UBAC2: variants seen among roughly 807,000 people sequenced by gnomAD.
UBAC2 encodes UBA domain containing 2.
In UBAC2, 26 loss-of-function variants were observed where a neutral mutation model predicts 44.0. The observed-to-expected ratio is 0.59, with a 90% CI of 0.43 to 0.82. The LOEUF (loss-of-function observed/expected upper bound fraction) is 0.82, where lower values mean the gene tolerates loss of function less well. Ranked by LOEUF, UBAC2 falls within the 40% of genes least tolerant of loss-of-function variation. The pLI is 0.00. For missense variants in UBAC2, 329 were observed against 419.4 expected (o/e 0.78, Z 1.88); for synonymous variants, 155 against 154.3 (o/e 1.00, Z -0.04).
chr13:99,383,150 G>T (rs575619979), intron 8 of UBAC2, among the ~76,000 whole-genome samples: 1 of 152,364 alleles, frequency 6.6e-6, no homozygotes, highest in African/African-American at 2.4e-5. Context: ...TTAGTAGTGT[G>T]CATGTGTGTG....
chr13:99,265,715 C>T (rs956514049), intron 4 of UBAC2, among the ~76,000 whole-genome samples: 13 of 152,094 alleles, frequency 8.5e-5, no homozygotes, highest in South Asian at 2.1e-4. Context: ...CATATGGATT[C>T]GACTGGTGTT....
At chr13:99,247,238 G>A (rs1392368536) in intron 4 of UBAC2, among the ~76,000 whole-genome samples, 1 of 150,730 alleles carries the variant, frequency 6.6e-6, no homozygotes, top group Non-Finnish European at 1.5e-5. Context: ...TTCTTGAGAC[G>A]GAGTCTCGCT....
chr13:99,310,579 A>G (rs911812437), intron 4 of UBAC2, among the ~76,000 whole-genome samples: 1 of 152,250 alleles, frequency 6.6e-6, no homozygotes, highest in African/African-American at 2.4e-5. Flanking sequence ...TAGAAATAGC[A>G]ACGGAAAATT....
At chr13:99,215,613 G>A (rs1371758153) in intron 1 of UBAC2, 1 of 1,311,786 alleles carries the variant, frequency 7.6e-7, no homozygotes. Context: ...AGCGGCAGTT[G>A]CACCCACATG....
At chr13:99,316,004 T>C (rs1354801480) in intron 5 of UBAC2, among the ~76,000 whole-genome samples, 1 of 151,832 alleles carries the variant, frequency 6.6e-6, no homozygotes, top group Non-Finnish European at 1.5e-5. Flanking sequence ...TCTAGTGCCG[T>C]TTCCACAGTG....
intron 1 of UBAC2, among the ~76,000 whole-genome samples, chr13:99,214,672 C>T (rs1214434604): frequency 2.0e-5 from 3 of 152,156 alleles, no homozygotes; most frequent in African/African-American, 7.2e-5. Flanking sequence ...TTACCCCAAG[C>T]TCTCTTCTAC....
At position 99,258,780 on chromosome 13, in the gene UBAC2, C is replaced by A. The variant is rs72648093; in HGVS notation, c.389+14156C>A. Among the ~76,000 whole-genome samples the A allele has an allele frequency of 2.0e-5, 3 of 152,032 alleles. No individual in the cohort carries two copies. The East Asian group carries it at 5.8e-4, about 29-fold the overall frequency. The stretch of plus-strand genomic sequence containing the variant: ...TGTAGGGGCCCTAAACCAGAAAGAT[C>A]CCAAGTGCTTAATAGTACCTGGCAC... On this transcript the variant is annotated intron_variant, in intron 4 of 8. Coordinates refer to ENST00000403766, the MANE Select transcript of UBAC2 (RefSeq NM_001144072.2).
chr13:99,383,744 C>G (rs1048505322), intron 8 of UBAC2, among the ~76,000 whole-genome samples: 8 of 87,464 alleles, frequency 9.1e-5, no homozygotes, highest in African/African-American at 8.3e-5. Context: ...ATGGGCGGCA[C>G]CCCCCGTTTG....
At chr13:99,347,812 G>C (rs1227751145) in intron 7 of UBAC2, among the ~76,000 whole-genome samples, 1 of 151,456 alleles carries the variant, frequency 6.6e-6, no homozygotes, top group Non-Finnish European at 1.5e-5. Context: ...CGCCAGCACT[G>C]ACTATCCAGA....
chr13:99,295,696 G>A lies in UBAC2; in HGVS notation c.390-18401G>A, dbSNP rs772346481. The A allele has an allele frequency of 1.5e-5, 24 of 1,614,000 alleles. 1 individual carries two copies. In the South Asian group the frequency reaches 1.8e-4, roughly 12 times the overall value. On this transcript the variant is annotated intron_variant, in intron 4 of 8. Coordinates refer to ENST00000403766, the MANE Select transcript of UBAC2 (RefSeq NM_001144072.2). The surrounding 1 kb of genome is among the most constrained non-coding windows in gnomAD (Gnocchi z 4.1). Reference sequence around the variant, plus strand: ...CTAGAATCCAGACAAATATGCACACGCCTTTTGCATGTTCAATCCTTTTTA... The same window carrying A: ...CTAGAATCCAGACAAATATGCACACACCTTTTGCATGTTCAATCCTTTTTA...
chr13:99,242,133 ACTT>A (rs1322309077), intron 2 of UBAC2, among the ~76,000 whole-genome samples: 1 of 151,208 alleles, frequency 6.6e-6, no homozygotes, highest in Non-Finnish European at 1.5e-5. Context: ...TCCCATGTCT[ACTT>A]CTTTCTACAC....
Position 99,207,482 on chromosome 13 carries a change from C to T in UBAC2, c.31+6543C>T, listed in dbSNP as rs561447123. 3.3e-5 allele frequency among the ~76,000 whole-genome samples: 5 copies of T among 152,264 alleles called. No individual in the cohort carries two copies. The South Asian group carries it at 1.0e-3, about 32-fold the overall frequency. On this transcript the variant is annotated intron_variant, in intron 1 of 8. Transcript: ENST00000403766. ...AAGGTGATCTTCCCTTATTTTTTCC[C>T]TGTTCTCATCTCCCTTCACTTTTTA...
At chr13:99,255,901 T>G in intron 4 of UBAC2, 1 of 1,505,938 alleles carries the variant, frequency 6.6e-7, no homozygotes, top group Non-Finnish European at 8.9e-7. Flanking sequence ...GCATGATACT[T>G]AGAAACTGTA....
At chr13:99,365,984 G>A (rs560794667) in intron 7 of UBAC2, among the ~76,000 whole-genome samples, 13 of 151,768 alleles carry the variant, frequency 8.6e-5, no homozygotes, top group African/African-American at 2.4e-4. Flanking sequence ...TTTTGCCTTC[G>A]AGGTCTATTT....
intron 1 of UBAC2, among the ~76,000 whole-genome samples, chr13:99,225,494 T>G (rs1487240402): frequency 1.3e-5 from 2 of 152,256 alleles, no homozygotes; most frequent in Admixed American, 1.3e-4. Context: ...TTCCTTCCTT[T>G]TTAAGGCTGA....
intron 4 of UBAC2, among the ~76,000 whole-genome samples, chr13:99,306,572 G>T (rs1041602081): frequency 6.6e-6 from 1 of 152,016 alleles, no homozygotes; most frequent in Admixed American, 6.6e-5. Flanking sequence ...CCCTTTAAAG[G>T]AAGTCTCTTC....
chr13:99,200,892 CCGAGCCCGG>C lies in UBAC2; in HGVS notation c.-14_-6del. On this transcript the variant is annotated 5_prime_UTR_variant, in exon 1 of 9. Coordinates refer to ENST00000403766, the MANE Select transcript of UBAC2 (RefSeq NM_001144072.2). ...CCCTCCCCCGGCGCCCTCTGGGGCT[CCGAGCCCGG>C]CGGGACCATGTTCACCAGCACCGGC... is the stretch of plus-strand genomic sequence containing the variant. 7.7e-7 allele frequency: 1 copy of C among 1,303,542 alleles called. No individual in the cohort carries two copies. The allele number at this position is 1,303,542 out of a possible 1,614,324, so 80.7% of individuals were successfully genotyped here.
At chr13:99,382,593 A>G (rs530312642) in intron 8 of UBAC2, among the ~76,000 whole-genome samples, 21 of 151,328 alleles carry the variant, frequency 1.4e-4, no homozygotes, top group Non-Finnish European at 2.5e-4. Context: ...GGTGTGCACA[A>G]ATGGGAGGGG....
chr13:99,375,917 A>G (rs1378101826), intron 8 of UBAC2, among the ~76,000 whole-genome samples: 2 of 146,382 alleles, frequency 1.4e-5, no homozygotes, highest in Non-Finnish European at 1.5e-5. Flanking sequence ...CATCCTCCCA[A>G]CTCTGCCTCC....
Sources: gnomAD v4.1 joint callset for allele counts (sites outside exome capture counted in the v4.1 genomes callset) on GRCh38, gnomAD v4.1.1 for gene constraint, Gnocchi (gnomAD v3.1) non-coding constraint, MANE v1.5 for transcripts, NCBI Gene and HGNC (gene_info 2026-07-23, HGNC 2026-07-21) for gene names.